CXCL1: variants seen among roughly 807,000 people sequenced by gnomAD.
The protein encoded by CXCL1 is C-X-C motif chemokine ligand 1.
In CXCL1, 9 loss-of-function variants were observed where a neutral mutation model predicts 11.7. The observed-to-expected ratio is 0.77, with a 90% CI of 0.46 to 1.34. CXCL1 has a LOEUF of 1.34. Ranked by LOEUF, CXCL1 falls within the 40% of genes most tolerant of loss-of-function variation. The pLI is 0.00. For missense variants in CXCL1, 146 were observed against 138.1 expected (o/e 1.06, Z -0.29); for synonymous variants, 78 against 59.1 (o/e 1.32, Z -1.47).
Position 73,870,752 on chromosome 4 carries a change from G to T in CXCL1, c.*216G>T. ...TTAGGTGTAAAATAATTAAGGGTAT[G>T]ATTAACTCTACCTGCACACTGTCCT... On this transcript the variant is annotated 3_prime_UTR_variant, in exon 4 of 4. Coordinates refer to ENST00000395761, the MANE Select transcript of CXCL1 (RefSeq NM_001511.4). 3.6e-6 allele frequency: 2 copies of T among 551,556 alleles called. No homozygotes were observed. Among genetic ancestry groups the T allele is most frequent in the Non-Finnish European group, 6.3e-6 (2 of 316,114 alleles). 34.2% of individuals were successfully genotyped at this position (551,556 alleles called of 1,614,324 possible). A position where few individuals can be genotyped will look rare whatever the true frequency, so the allele number is the denominator to read the frequency against.
chr4:73,870,343 C>T (rs1289282083), intron 3 of CXCL1, among the ~76,000 whole-genome samples, 178 bp from the exon 4 acceptor site: 1 of 152,154 alleles, frequency 6.6e-6, no homozygotes, highest in Non-Finnish European at 1.5e-5. Flanking sequence ...AAAGAGCATC[C>T]CAAGCTTAGA....
intron 3 of CXCL1, 68 bp from the exon 4 acceptor site, chr4:73,870,453 C>T: frequency 6.3e-7 from 1 of 1,597,056 alleles, no homozygotes; most frequent in Non-Finnish European, 8.6e-7. Context: ...AGGAGCAGGG[C>T]AGGAGAAGAG....
chr4:73,870,729 AGGTG>A lies in CXCL1; in HGVS notation c.*194_*197del. ...TTTGAAGATTCTATGTTAATATTTT[AGGTG>A]TAAAATAATTAAGGGTATGATTAAC... On this transcript the variant is annotated 3_prime_UTR_variant, in exon 4 of 4. Transcript: ENST00000395761. 1.6e-6 allele frequency: 1 copy of A among 620,438 alleles called. No homozygotes were observed. The highest frequency in any genetic ancestry group is 2.7e-6 in the Non-Finnish European group (1 of 368,712). The allele number at this position is 620,438 out of a possible 1,614,324, so 38.4% of individuals were successfully genotyped here.
rs1392525139 is a variant in CXCL1, at chr4:73,870,088, G to C, written c.308+99G>C. The C allele has an allele frequency of 1.7e-5, 20 of 1,160,640 alleles. No individual in the cohort carries two copies. In the East Asian group the frequency reaches 4.5e-4, roughly 26 times the overall value. 71.9% of individuals were successfully genotyped at this position (1,160,640 alleles called of 1,614,324 possible). ...TAAAATCAGGAAAACCCAGGGGTTA[G>C]TTGAAGGACTAGAAATTGGGATTAT... On this transcript the variant is annotated intron_variant, in intron 3 of 3. Coordinates refer to ENST00000395761, the MANE Select transcript of CXCL1 (RefSeq NM_001511.4).
intron 3 of CXCL1, 95 bp from the exon 4 acceptor site, chr4:73,870,412 GAAACTGCATTCGGA>G: frequency 6.9e-7 from 1 of 1,442,162 alleles, no homozygotes; most frequent in Non-Finnish European, 9.6e-7. Context: ...CCAGGCTGGG[GAAACTGCATTCGGA>G]AAACTCTAGA....
chr4:73,869,445 G>A lies in CXCL1; in HGVS notation c.-26G>A, dbSNP rs201839321. ...CGCCAGCTCTTCCGCTCCTCTCACAGCCGCCAGACCCGCCTGCTGAGCCCC... is the reference window on the plus strand; with the variant it reads ...CGCCAGCTCTTCCGCTCCTCTCACAACCGCCAGACCCGCCTGCTGAGCCCC... On this transcript the variant is annotated 5_prime_UTR_variant, in exon 1 of 4. Coordinates refer to ENST00000395761, the MANE Select transcript of CXCL1 (RefSeq NM_001511.4). 372 of 1,543,982 alleles carry A rather than the reference G, an allele frequency of 2.4e-4. 1 individual carries two copies. The highest frequency in any genetic ancestry group is 1.4e-3 in the African/African-American group (101 of 73,156).
chr4:73,869,638 T>C (rs200770793), intron 1 of CXCL1, 31 bp from the exon 2 acceptor site: 53 of 1,613,940 alleles, frequency 3.3e-5, no homozygotes, highest in South Asian at 2.0e-4. Context: ...GCCGACAGCC[T>C]CGCTCAGTCA....
rs758430900 is a variant in CXCL1, at chr4:73,870,501, C to A, written c.309-20C>A. 9.9e-6 allele frequency: 16 copies of A among 1,613,696 alleles called. No individual in the cohort carries two copies. The highest frequency in any genetic ancestry group is 1.6e-4 in the Middle Eastern group (1 of 6,074). The stretch of plus-strand genomic sequence containing the variant: ...AGCTTTCCCGAGCACCTACTCAGGG[C>A]ACCCATTTTCTCATTGCAGTGACAA... On this transcript the variant is annotated intron_variant, in intron 3 of 3. Coordinates refer to ENST00000395761, the MANE Select transcript of CXCL1 (RefSeq NM_001511.4).
At chr4:73,870,244 G>C in intron 3 of CXCL1, 3 of 618,296 alleles carry the variant, frequency 4.9e-6, no homozygotes, top group Non-Finnish European at 8.4e-6. Flanking sequence ...CTTCATTTGA[G>C]GCCCAGTAGG....
In CXCL1 at chr4:73,870,539, A is replaced by C. The variant is rs373235955; in HGVS notation, c.*3A>C. The C allele has an allele frequency of 5.6e-4, 909 of 1,613,902 alleles. 7 individuals are homozygous for C. In the South Asian group the frequency reaches 9.2e-3, roughly 16 times the overall value. On this transcript the variant is annotated 3_prime_UTR_variant, in exon 4 of 4. Coordinates refer to ENST00000395761, the MANE Select transcript of CXCL1 (RefSeq NM_001511.4). ...ATTGCAGTGACAAATCCAACTGACC[A>C]GAAGGGAGGAGGAAGCTCACTGGTG...
chr4:73,870,325 C>CCATACA, intron 3 of CXCL1, 196 bp from the exon 4 acceptor site: 1 of 619,220 alleles, frequency 1.6e-6, no homozygotes, highest in East Asian at 3.0e-5. Flanking sequence ...ACCCCACCCC[C>CCATACA]ATTCCTAAAA....
At chr4:73,870,068 T>G in intron 3 of CXCL1, 79 bp downstream of exon 3, 1 of 1,416,612 alleles carries the variant, frequency 7.1e-7, no homozygotes, top group Non-Finnish European at 9.8e-7. Context: ...AAAAATAAAA[T>G]CAGGAAAACC....
rs1240344258 is a variant in CXCL1, at chr4:73,869,420, C to T, written c.-51C>T. 4 of 1,531,632 alleles carry T rather than the reference C, an allele frequency of 2.6e-6. No individual in the cohort carries two copies. In the East Asian group the frequency reaches 7.3e-5, roughly 28 times the overall value. 94.9% of individuals were successfully genotyped at this position (1,531,632 alleles called of 1,614,324 possible). ...AGAGCCCGGGCCGCAGGCACCTCCTCGCCAGCTCTTCCGCTCCTCTCACAG... is the reference window on the plus strand; with the variant it reads ...AGAGCCCGGGCCGCAGGCACCTCCTTGCCAGCTCTTCCGCTCCTCTCACAG... On this transcript the variant is annotated 5_prime_UTR_variant, in exon 1 of 4. Coordinates refer to ENST00000395761, the MANE Select transcript of CXCL1 (RefSeq NM_001511.4).
rs548540699 is a variant in CXCL1, at chr4:73,870,702, G to A, written c.*166G>A. On this transcript the variant is annotated 3_prime_UTR_variant, in exon 4 of 4. Transcript: ENST00000395761. ...CTTCTATTTATTTATTTATTCATTA[G>A]TTTTGAAGATTCTATGTTAATATTT... 18 of 720,064 alleles carry A rather than the reference G, an allele frequency of 2.5e-5. No homozygotes were observed. Among genetic ancestry groups the A allele is most frequent in the Middle Eastern group, 4.1e-4 (1 of 2,440 alleles). 44.6% of individuals were successfully genotyped at this position (720,064 alleles called of 1,614,324 possible).
Position 73,869,402 on chromosome 4 carries a change from G to C in CXCL1, c.-69G>C. 1.3e-6 allele frequency: 2 copies of C among 1,510,004 alleles called. No homozygotes were observed. Among genetic ancestry groups the C allele is most frequent in the South Asian group, 1.2e-5 (1 of 83,428 alleles). 93.5% of individuals were successfully genotyped at this position (1,510,004 alleles called of 1,614,324 possible). On this transcript the variant is annotated 5_prime_UTR_variant, in exon 1 of 4. Coordinates refer to ENST00000395761, the MANE Select transcript of CXCL1 (RefSeq NM_001511.4). ...CGGATCTCGGAGAGCCACAGAGCCCGGGCCGCAGGCACCTCCTCGCCAGCT... is the reference window on the plus strand; with the variant it reads ...CGGATCTCGGAGAGCCACAGAGCCCCGGCCGCAGGCACCTCCTCGCCAGCT...
chr4:73,870,543 G>C lies in CXCL1; in HGVS notation c.*7G>C. On this transcript the variant is annotated 3_prime_UTR_variant, in exon 4 of 4. Transcript: ENST00000395761. ...CAGTGACAAATCCAACTGACCAGAA[G>C]GGAGGAGGAAGCTCACTGGTGGCTG... 1.2e-6 allele frequency: 2 copies of C among 1,613,890 alleles called. No individual in the cohort carries two copies.
At position 73,870,677 on chromosome 4, in the gene CXCL1, C is replaced by A; in HGVS notation, c.*141C>A. 2.3e-6 allele frequency: 2 copies of A among 858,014 alleles called. No individual in the cohort carries two copies. Among genetic ancestry groups the A allele is most frequent in the East Asian group, 2.7e-5 (1 of 37,004 alleles). 53.2% of individuals were successfully genotyped at this position (858,014 alleles called of 1,614,324 possible). On this transcript the variant is annotated 3_prime_UTR_variant, in exon 4 of 4. Transcript: ENST00000395761. The stretch of plus-strand genomic sequence containing the variant: ...TGTTTGAGCATCGCTTAGGAGAAGT[C>A]TTCTATTTATTTATTTATTCATTAG...
rs199722074 is a variant in CXCL1 at position 73,870,551 on chromosome 4, G to T, written c.*15G>T. The T allele has an allele frequency of 5.1e-5, 83 of 1,613,848 alleles. No homozygotes were observed. The Admixed American group carries it at 1.3e-3, about 26-fold the overall frequency. ...AATCCAACTGACCAGAAGGGAGGAG[G>T]AAGCTCACTGGTGGCTGTTCCTGAA... is the stretch of plus-strand genomic sequence containing the variant. On this transcript the variant is annotated 3_prime_UTR_variant, in exon 4 of 4. Transcript: ENST00000395761.
chr4:73,869,559 G>A lies in CXCL1; in HGVS notation c.89G>A (p.Arg30Gln), dbSNP rs760514000. 4 of 1,610,304 alleles carry A rather than the reference G, an allele frequency of 2.5e-6. No individual in the cohort carries two copies. In the South Asian group the frequency reaches 3.3e-5, roughly 13 times the overall value. The change falls in exon 1 of 4, where the codon CGG becomes CAG. Residue 30 changes from arginine to glutamine, a missense_variant. Transcript: ENST00000395761. ...LLLLLLVAAGRRAAGASVATE... is the reference protein window; with the variant it reads ...LLLLLLVAAGQRAAGASVATE... The stretch of plus-strand genomic sequence containing the variant: ...CTCCTGCTCCTGGTAGCCGCTGGCC[G>A]GCGCGCAGCAGGTGGGTACCGGCGC...
Sources: gnomAD v4.1 joint callset for allele counts (sites outside exome capture counted in the v4.1 genomes callset) on GRCh38, gnomAD v4.1.1 for gene constraint, MANE v1.5 for transcripts, NCBI Gene and HGNC (gene_info 2026-07-23, HGNC 2026-07-21) for gene names.